Variants in SGCD observed in about 807,000 individuals in gnomAD.
SGCD encodes the protein sarcoglycan delta, also known as delta-sarcoglycan.
A neutral mutation model predicts 36.6 loss-of-function variants in SGCD; 18 were observed. The ratio of observed to expected loss-of-function variants is 0.49; its 90% CI spans 0.34 to 0.73. The LOEUF (loss-of-function observed/expected upper bound fraction) is 0.73, where lower values mean the gene tolerates loss of function less well. Among genes scored for constraint, SGCD ranks in the 30% least tolerant of loss-of-function variants. The pLI is 0.01. For synonymous variants in SGCD, 133 were observed against 130.6 expected, an observed-to-expected ratio of 1.02 and a Z score of -0.12; for missense variants, 387 against 346.7, an observed-to-expected ratio of 1.12 and a Z score of -0.92.
At chr5:156,105,742 G>A (rs572502645) in intron 1 of SGCD, among the ~76,000 whole-genome samples, 1 of 152,208 alleles carries the variant, frequency 6.6e-6, no homozygotes, top group South Asian at 2.1e-4. Context: ...ATTTAGGACA[G>A]TGTGAAGACA....
chr5:156,226,461 C>G (rs1485807334), intron 3 of SGCD, among the ~76,000 whole-genome samples: 1 of 152,126 alleles, frequency 6.6e-6, no homozygotes, highest in Non-Finnish European at 1.5e-5. Context: ...TTTATCCATA[C>G]ATTGATTGAT....
At chr5:155,819,445 T>C in the SGCD span, among the ~76,000 whole-genome samples, 8 of 152,128 alleles carry the variant, frequency 5.3e-5, no homozygotes, top group Non-Finnish European at 7.4e-5. Flanking sequence ...AAAGTGACGA[T>C]TGAAAAGAGG....
At chr5:156,601,738 C>G (rs1252466050) in intron 6 of SGCD, among the ~76,000 whole-genome samples, 2 of 152,130 alleles carry the variant, frequency 1.3e-5, no homozygotes, top group African/African-American at 4.8e-5. Context: ...TGCTGGAGTG[C>G]AGTGGCGCGA....
intron 3 of SGCD, among the ~76,000 whole-genome samples, chr5:156,252,082 T>A (rs1194877213): frequency 6.6e-6 from 1 of 152,082 alleles, no homozygotes; most frequent in African/African-American, 2.4e-5. Context: ...TCTTTTTTTT[T>A]TGAGACGGAG....
chr5:156,752,849 G>A lies in SGCD; in HGVS notation c.576-4732G>A, dbSNP rs115495094. On this transcript the variant is annotated intron_variant, in intron 7 of 8. Transcript: ENST00000337851. ...ACTGGCCAGGTTAGATAGAAGAGCA[G>A]CTGTCCCCGTAGACAGCATCTCCAT... is the stretch of plus-strand genomic sequence containing the variant. Among the ~76,000 whole-genome samples, 286 of 152,330 alleles carry A rather than the reference G, an allele frequency of 1.9e-3. 1 individual carries two copies. The highest frequency in any genetic ancestry group is 5.5e-3 in the African/African-American group (230 of 41,578).
intron 3 of SGCD, among the ~76,000 whole-genome samples, chr5:156,481,584 C>A (rs1755432126): frequency 6.6e-6 from 1 of 152,110 alleles, no homozygotes; most frequent in Non-Finnish European, 1.5e-5. Context: ...TATTATATGT[C>A]TCTTGATCTA....
intron 1 of SGCD, chr5:156,117,762 T>C (rs1761940462): frequency 6.6e-6 from 1 of 152,162 alleles, no homozygotes; most frequent in African/African-American, 2.4e-5. Flanking sequence ...AGGGATCTAA[T>C]GCTTTTAGCC....
intron 4 of SGCD, among the ~76,000 whole-genome samples, chr5:156,525,838 AT>A (rs895011431): frequency 1.6e-4 from 25 of 152,008 alleles, no homozygotes; most frequent in East Asian, 1.2e-3. Flanking sequence ...TGAAGAGACT[AT>A]TTTTTTACCC....
intron 1 of SGCD, among the ~76,000 whole-genome samples, chr5:156,082,932 G>A (rs1251687224): frequency 2.0e-5 from 3 of 150,312 alleles, no homozygotes; most frequent in South Asian, 2.1e-4. Context: ...TGATGTTGTC[G>A]CTAATTTTTT....
In SGCD at chr5:156,017,480, T is replaced by C. The variant is rs559265368; in HGVS notation, c.-281-100398T>C. Among the ~76,000 whole-genome samples the C allele has an allele frequency of 1.6e-3, 245 of 152,094 alleles. 1 individual carries two copies. Among genetic ancestry groups the C allele is most frequent in the African/African-American group, 5.6e-3 (232 of 41,580 alleles). On this transcript the variant is annotated intron_variant, in intron 1 of 9. Transcript: ENST00000517913. ...CTTGTATAGTTTCATTTTTTTTACATTTATTCAAGTTTTCTAATTTTTCCT... is the reference window on the plus strand; with the variant it reads ...CTTGTATAGTTTCATTTTTTTTACACTTATTCAAGTTTTCTAATTTTTCCT...
intron 3 of SGCD, among the ~76,000 whole-genome samples, chr5:156,490,473 C>A (rs1431179374): frequency 1.7e-5 from 2 of 118,282 alleles, no homozygotes; most frequent in African/African-American, 7.1e-5. Flanking sequence ...ACTAGTAAAC[C>A]GAATGTAACA....
At chr5:156,206,258 G>C (rs1354868100) in intron 3 of SGCD, among the ~76,000 whole-genome samples, 1 of 151,886 alleles carries the variant, frequency 6.6e-6, no homozygotes, top group Non-Finnish European at 1.5e-5. Context: ...TGTTCAACCA[G>C]TCTTCTGTGG....
chr5:156,451,536 A>G (rs1192514773), intron 3 of SGCD, among the ~76,000 whole-genome samples: 3 of 152,182 alleles, frequency 2.0e-5, no homozygotes, highest in Non-Finnish European at 4.4e-5. Flanking sequence ...GGAAGAATGG[A>G]ATCATAAAAG....
At chr5:155,836,935 G>C in the SGCD span, among the ~76,000 whole-genome samples, 8 of 152,056 alleles carry the variant, frequency 5.3e-5, no homozygotes, top group Admixed American at 5.2e-4. Context: ...AAAGGAGTTT[G>C]GGTGAAAACA....
chr5:156,185,449 T>C lies in SGCD; in HGVS notation c.-44+61430T>C, dbSNP rs375253214. On this transcript the variant is annotated intron_variant, in intron 3 of 9. Coordinates refer to the SGCD transcript ENST00000517913. The stretch of plus-strand genomic sequence containing the variant: ...CAGGATGGTCTCGATCTCCTGACCT[T>C]GTGATCCGCCCGCCTTGGCCTCCCA... Among the ~76,000 whole-genome samples, 239 of 152,036 alleles carry C rather than the reference T, an allele frequency of 1.6e-3. 1 individual carries two copies. Among genetic ancestry groups the C allele is most frequent in the South Asian group, 8.1e-3 (39 of 4,822 alleles).
chr5:156,689,670 C>T (rs936233159), intron 7 of SGCD, among the ~76,000 whole-genome samples: 1 of 152,090 alleles, frequency 6.6e-6, no homozygotes, highest in Non-Finnish European at 1.5e-5. Flanking sequence ...TTTGGGATTT[C>T]GTGTTTGTTG....
chr5:156,639,335 G>A (rs1762944153), intron 6 of SGCD, among the ~76,000 whole-genome samples: 1 of 152,118 alleles, frequency 6.6e-6, no homozygotes, highest in African/African-American at 2.4e-5. Context: ...GGAGAACCCT[G>A]AACTTTAACA....
intron 1 of SGCD, among the ~76,000 whole-genome samples, chr5:155,951,665 G>A (rs1003765960): frequency 3.6e-4 from 54 of 150,362 alleles, no homozygotes; most frequent in African/African-American, 1.2e-3. Context: ...TATTGAAATG[G>A]AAAAAAAAAT....
chr5:156,342,581 G>T, intron 2 of SGCD, among the ~76,000 whole-genome samples: 1 of 152,102 alleles, frequency 6.6e-6, no homozygotes, highest in East Asian at 1.9e-4. Context: ...TGATCTTCAT[G>T]TTTAAAAAGG....
Sources: gnomAD v4.1 joint callset for allele counts (sites outside exome capture counted in the v4.1 genomes callset) on GRCh38, gnomAD v4.1.1 for gene constraint, MANE v1.5 for transcripts, NCBI Gene and HGNC (gene_info 2026-07-23, HGNC 2026-07-21) for gene names.